Variants in RAB3C observed in about 807,000 individuals in gnomAD.
RAB3C encodes ras-related protein Rab-3C.
A neutral mutation model predicts 26.4 loss-of-function variants in RAB3C; 17 were observed. The observed-to-expected ratio is 0.64, with a 90% CI of 0.44 to 0.97. The LOEUF is 0.97. Among genes scored for constraint, RAB3C ranks in the 50% least tolerant of loss-of-function variants. RAB3C has a pLI of 0.00. For missense variants in RAB3C, 242 were observed against 281.9 expected (o/e 0.86, Z 1.01); for synonymous variants, 91 against 95.9 (o/e 0.95, Z 0.30).
At chr5:58,757,513 T>A (rs145623123) in intron 3 of RAB3C, among the ~76,000 whole-genome samples, 119 of 152,404 alleles carry the variant, frequency 7.8e-4, no homozygotes, top group African/African-American at 2.7e-3. Flanking sequence ...CCTTTCGTGA[T>A]CACTTTCAAG....
intron 3 of RAB3C, among the ~76,000 whole-genome samples, chr5:58,804,888 G>T (rs1387357039): frequency 6.6e-6 from 1 of 151,288 alleles, no homozygotes. Flanking sequence ...TTTTTGTGTG[G>T]TCACTTTCCT....
intron 2 of RAB3C, among the ~76,000 whole-genome samples, chr5:58,688,317 A>G (rs1217553846): frequency 1.3e-5 from 2 of 152,136 alleles, no homozygotes; most frequent in Non-Finnish European, 1.5e-5. Flanking sequence ...GTACCATGGC[A>G]TAACCTTACC....
At chr5:58,665,949 GT>G (rs1316165923) in intron 2 of RAB3C, among the ~76,000 whole-genome samples, 1 of 152,050 alleles carries the variant, frequency 6.6e-6, no homozygotes, top group Non-Finnish European at 1.5e-5. Flanking sequence ...AGTGGGAAAC[GT>G]GCATATCTAC....
chr5:58,728,546 C>T (rs1740936609), intron 3 of RAB3C, among the ~76,000 whole-genome samples: 1 of 151,968 alleles, frequency 6.6e-6, no homozygotes, highest in Admixed American at 6.6e-5. Flanking sequence ...CATAAGTGAA[C>T]CTTAGTACAT....
intron 1 of RAB3C, among the ~76,000 whole-genome samples, chr5:58,608,988 A>C (rs1490083779): frequency 6.6e-6 from 1 of 152,178 alleles, no homozygotes. Context: ...GGAATTGAAC[A>C]ATGAGAACAC....
chr5:58,737,364 G>T (rs1293281100), intron 3 of RAB3C, among the ~76,000 whole-genome samples: 1 of 121,882 alleles, frequency 8.2e-6, no homozygotes, highest in African/African-American at 3.0e-5. Context: ...TCTGTTTTAT[G>T]TCTTTTTCAC....
At chr5:58,667,635 T>G (rs1023728872) in intron 2 of RAB3C, among the ~76,000 whole-genome samples, 3 of 152,302 alleles carry the variant, frequency 2.0e-5, no homozygotes, top group South Asian at 2.1e-4. Flanking sequence ...TGTTAAGAAT[T>G]TACTACATGC....
chr5:58,706,903 G>A (rs1208509001), intron 2 of RAB3C, among the ~76,000 whole-genome samples: 1 of 152,192 alleles, frequency 6.6e-6, no homozygotes, highest in Admixed American at 6.5e-5. Flanking sequence ...GCCAAAGCCA[G>A]TTTGGAGAAA....
intron 1 of RAB3C, among the ~76,000 whole-genome samples, chr5:58,606,413 C>T (rs1004411793): frequency 6.6e-6 from 1 of 152,228 alleles, no homozygotes; most frequent in Non-Finnish European, 1.5e-5. Context: ...GCAGAGCCCA[C>T]CGCAGCTCAG....
intron 4 of RAB3C, among the ~76,000 whole-genome samples, chr5:58,843,997 G>C (rs989975064): frequency 6.6e-6 from 1 of 152,082 alleles, no homozygotes; most frequent in Non-Finnish European, 1.5e-5. Context: ...CTTTTAATTA[G>C]CCAACATCTA....
At chr5:58,794,263 T>C (rs1185705801) in intron 3 of RAB3C, 1 of 113,014 alleles carries the variant, frequency 8.8e-6, no homozygotes, top group Non-Finnish European at 1.7e-5. Context: ...TTTTCTTTTC[T>C]TTCCTTTTTT....
At chr5:58,630,542 A>G (rs1561272679) in intron 2 of RAB3C, among the ~76,000 whole-genome samples, 2 of 152,232 alleles carry the variant, frequency 1.3e-5, no homozygotes, top group Non-Finnish European at 2.9e-5. Flanking sequence ...GCATTTAAAA[A>G]AATCTCATTA....
intron 1 of RAB3C, among the ~76,000 whole-genome samples, chr5:58,614,443 TG>T (rs1746781354): frequency 6.6e-6 from 1 of 151,944 alleles, no homozygotes; most frequent in Non-Finnish European, 1.5e-5. Context: ...TGGCTCTTTG[TG>T]GAATCTTATT....
chr5:58,788,556 C>T (rs1207380173), intron 3 of RAB3C, among the ~76,000 whole-genome samples: 3 of 152,172 alleles, frequency 2.0e-5, no homozygotes, highest in African/African-American at 7.2e-5. Flanking sequence ...GAAAATGTTG[C>T]TGGACCCTGC....
rs1464292932 is a variant in RAB3C at position 58,797,368 on chromosome 5, A to ATATATATATAT, written c.372-27670_372-27669insTATATATATAT. Among the ~76,000 whole-genome samples the ATATATATATAT allele has an allele frequency of 2.8e-3, 64 of 22,776 alleles. 1 individual carries two copies. Among genetic ancestry groups the ATATATATATAT allele is most frequent in the African/African-American group, 7.8e-3 (52 of 6,670 alleles). The allele number at this position is 22,776 out of a possible 152,430, so 14.9% of individuals were successfully genotyped here. A position where few individuals can be genotyped will look rare whatever the true frequency, so the allele number is the denominator to read the frequency against. ...AAAAAAAAAAAATATGTATATATAT[A>ATATATATATAT]ATATATATATATATATATATATATA... On this transcript the variant is annotated intron_variant, in intron 3 of 4. Transcript: ENST00000282878.
At chr5:58,590,356 G>T (rs1454714884) in intron 1 of RAB3C, among the ~76,000 whole-genome samples, 1 of 151,938 alleles carries the variant, frequency 6.6e-6, no homozygotes, top group Non-Finnish European at 1.5e-5. Context: ...TCTCTCTCAT[G>T]CCAGTCTTAC....
intron 2 of RAB3C, among the ~76,000 whole-genome samples, chr5:58,693,467 A>G (rs951063585): frequency 3.2e-4 from 49 of 151,264 alleles, no homozygotes; most frequent in Non-Finnish European, 6.3e-4. Flanking sequence ...AGGTCATAAT[A>G]TATCTTGTTT....
intron 3 of RAB3C, among the ~76,000 whole-genome samples, chr5:58,796,518 G>C (rs1742652601): frequency 1.3e-5 from 2 of 152,266 alleles, no homozygotes; most frequent in South Asian, 4.2e-4. Context: ...GGTCCTGGCA[G>C]GAAACAGAAG....
intron 3 of RAB3C, among the ~76,000 whole-genome samples, chr5:58,779,090 T>G (rs1413768118): frequency 6.6e-6 from 1 of 152,048 alleles, no homozygotes; most frequent in Non-Finnish European, 1.5e-5. Flanking sequence ...TAGAGAAACC[T>G]CTTCAACTAC....
Sources: allele counts gnomAD v4.1 joint callset (sites outside exome capture counted in the v4.1 genomes callset), GRCh38; gene constraint gnomAD v4.1.1; transcripts MANE v1.5; gene names NCBI Gene and HGNC (gene_info 2026-07-23, HGNC 2026-07-21).